The following BIRC3 variants were observed in gnomAD, a reference collection of about 807,000 sequenced individuals.
The protein encoded by BIRC3 is baculoviral IAP repeat containing 3.
Under a neutral mutation model 59.0 loss-of-function variants are expected in BIRC3, and 26 were observed. The ratio of observed to expected loss-of-function variants is 0.44; its 90% CI spans 0.32 to 0.61. BIRC3 has a LOEUF of 0.61. BIRC3 is among the 20% of genes least tolerant of loss of function. The pLI, the probability that BIRC3 is intolerant of heterozygous loss-of-function variation, is 0.04. For missense variants in BIRC3, 641 were observed against 711.5 expected (o/e 0.90, Z 1.13); for synonymous variants, 243 against 249.2 (o/e 0.98, Z 0.24).
rs1555043010 is a variant in BIRC3 at position 102,328,885 on chromosome 11, T to TTC, written c.1033-11_1033-10insCT. Reference sequence around the variant, plus strand: ...ATATATATATATATATATATATTTTTTTTTTCTGCAGCTGCTATCCACATC... The same window carrying TTC: ...ATATATATATATATATATATATTTTTTCTTTTTCTGCAGCTGCTATCCACATC... On this transcript the variant is annotated splice_polypyrimidine_tract_variant and intron_variant, in intron 4 of 8. Coordinates refer to ENST00000263464, the MANE Select transcript of BIRC3 (RefSeq NM_001165.5). 1 of 1,144,494 alleles carries TTC rather than the reference T, an allele frequency of 8.7e-7. No individual in the cohort carries two copies. The highest frequency in any genetic ancestry group is 3.2e-5 in the Admixed American group (1 of 31,358). The allele number at this position is 1,144,494 out of a possible 1,614,324, so 70.9% of individuals were successfully genotyped here. A position where few individuals can be genotyped will look rare whatever the true frequency, so the allele number is the denominator to read the frequency against.
chr11:102,323,046 C>T lies in BIRC3; in HGVS notation c.-1464C>T, dbSNP rs1421109076. Reference sequence around the variant, plus strand: ...ATCCATCTTAGCCTACAGATGGCATCTGGTAACTTTTGACTGTTTTAAAAA... The same window carrying T: ...ATCCATCTTAGCCTACAGATGGCATTTGGTAACTTTTGACTGTTTTAAAAA... On this transcript the variant is annotated 5_prime_UTR_variant, in exon 2 of 9. Transcript: ENST00000263464. The T allele has an allele frequency of 5.0e-6, 1 of 199,298 alleles. No homozygotes were observed. The highest frequency in any genetic ancestry group is 1.0e-5 in the Non-Finnish European group (1 of 96,496). The allele number at this position is 199,298 out of a possible 1,614,324, so 12.3% of individuals were successfully genotyped here.
chr11:102,328,917 C>T lies in BIRC3; in HGVS notation c.1053C>T (p.Ser351=). 7.0e-7 allele frequency: 1 copy of T among 1,435,272 alleles called. No homozygotes were observed. Among genetic ancestry groups the T allele is most frequent in the Non-Finnish European group, 9.2e-7 (1 of 1,092,804 alleles). 88.9% of individuals were successfully genotyped at this position (1,435,272 alleles called of 1,614,324 possible). A position where few individuals can be genotyped will look rare whatever the true frequency, so the allele number is the denominator to read the frequency against. ...TGCAGCTGCTATCCACATCAGACAG[C>T]CCAGGAGATGAAAATGCAGAGTCAT... ...LLEQLLSTSD[S]PGDENAESSI... The change falls in exon 5 of 9, where the codon AGC becomes AGT. Residue 351 remains serine, a synonymous_variant. Transcript: ENST00000263464.
Position 102,335,984 on chromosome 11 carries a change from G to T in BIRC3, c.1343G>T (p.Arg448Leu). Residue 448 changes from arginine to leucine, a missense_variant, in exon 7 of 9, where the codon CGG (arginine) becomes CTG (leucine). Transcript: ENST00000263464. ...EKESNDLLLI[R>L]KNRMALFQHL... The stretch of plus-strand genomic sequence containing the variant: ...TATAAAGATGATTTATTATTAATCC[G>T]GAAGAATAGAATGGCACTTTTTCAA... 6.2e-7 allele frequency: 1 copy of T among 1,606,870 alleles called. No individual in the cohort carries two copies. Among genetic ancestry groups the T allele is most frequent in the Non-Finnish European group, 8.5e-7 (1 of 1,177,450 alleles).
chr11:102,324,584 C>T lies in BIRC3; in HGVS notation c.75C>T (p.Asp25=), dbSNP rs1394810649. ...CCAACACGTTTGAACTGAAATACGA[C>T]TTGTCATGTGAACTGTACCGAATGT... is the stretch of plus-strand genomic sequence containing the variant. ...KSANTFELKY[D]LSCELYRMST... Residue 25 remains aspartate (D), a synonymous_variant, in exon 2 of 9, where the codon GAC becomes GAT. Coordinates refer to ENST00000263464, the MANE Select transcript of BIRC3 (RefSeq NM_001165.5). The T allele has an allele frequency of 3.1e-6, 5 of 1,614,146 alleles. No individual in the cohort carries two copies. Among genetic ancestry groups the T allele is most frequent in the Admixed American group, 1.7e-5 (1 of 60,010 alleles).
At chr11:102,319,401 G>T (rs575539536) in intron 1 of BIRC3, among the ~76,000 whole-genome samples, 1 of 152,220 alleles carries the variant, frequency 6.6e-6, no homozygotes, top group African/African-American at 2.4e-5. Context: ...TTTAAGCATG[G>T]TTATGTGAAA....
In BIRC3 at chr11:102,319,208, T is replaced by C. The variant is rs531589236; in HGVS notation, c.-2674+1637T>C. The stretch of plus-strand genomic sequence containing the variant: ...ACAGGTGCATGCCACCACACCCGGC[T>C]AATTTTTTGTATTTTTTTTAGTAGA... On this transcript the variant is annotated intron_variant, in intron 1 of 8. Coordinates refer to ENST00000263464, the MANE Select transcript of BIRC3 (RefSeq NM_001165.5). 8.6e-5 allele frequency among the ~76,000 whole-genome samples: 12 copies of C among 139,352 alleles called. No individual in the cohort carries two copies. In the South Asian group the frequency reaches 2.9e-3, roughly 34 times the overall value. The allele number at this position is 139,352 out of a possible 152,430, so 91.4% of individuals were successfully genotyped here.
intron 1 of BIRC3, among the ~76,000 whole-genome samples, chr11:102,319,153 C>T (rs1951005087): frequency 6.6e-6 from 1 of 150,944 alleles, no homozygotes; most frequent in South Asian, 2.1e-4. Flanking sequence ...AAGCGATTCT[C>T]CTGCCTCAGC....
intron 6 of BIRC3, among the ~76,000 whole-genome samples, chr11:102,331,831 G>A (rs1951145244): frequency 6.6e-6 from 1 of 152,030 alleles, no homozygotes; most frequent in African/African-American, 2.4e-5. Flanking sequence ...AGTAGAGAAG[G>A]GATTTCTCCA....
chr11:102,325,479 T>C lies in BIRC3; in HGVS notation c.867T>C (p.Asp289=). The part of the protein sequence containing the change: ...AGFYYVGNSD[D]VKCFCCDGGL... ...AATTAATTTTAGGTAACAGTGATGA[T>C]GTCAAATGCTTTTGCTGTGATGGTG... is the stretch of plus-strand genomic sequence containing the variant. Residue 289 remains aspartate, a synonymous_variant, in exon 3 of 9, where the codon GAT becomes GAC. Transcript: ENST00000263464. 1 of 1,612,404 alleles carries C rather than the reference T, an allele frequency of 6.2e-7. No homozygotes were observed. Among genetic ancestry groups the C allele is most frequent in the South Asian group, 1.1e-5 (1 of 90,592 alleles).
chr11:102,326,185 T>C (rs991121353), intron 3 of BIRC3, among the ~76,000 whole-genome samples: 1 of 152,194 alleles, frequency 6.6e-6, no homozygotes, highest in Non-Finnish European at 1.5e-5. Context: ...GTTTTTATTA[T>C]AGCACGAGAG....
At position 102,325,576 on chromosome 11, in the gene BIRC3, T is replaced by G; in HGVS notation, c.953+11T>G. 6.2e-7 allele frequency: 1 copy of G among 1,607,930 alleles called. No individual in the cohort carries two copies. Among genetic ancestry groups the G allele is most frequent in the South Asian group, 1.1e-5 (1 of 89,896 alleles). ...CAAGTGGTTTCCAAGGTAATTGTTT[T>G]GAAATTCTCTTTGCAAATTCTTGTG... On this transcript the variant is annotated intron_variant, in intron 3 of 8. Coordinates refer to ENST00000263464, the MANE Select transcript of BIRC3 (RefSeq NM_001165.5).
intron 1 of BIRC3, among the ~76,000 whole-genome samples, chr11:102,319,065 A>C (rs1951003696): frequency 8.6e-6 from 1 of 116,354 alleles, no homozygotes; most frequent in African/African-American, 2.9e-5. Flanking sequence ...TTTTTTTGAG[A>C]CAGAGTCTCA....
intron 6 of BIRC3, among the ~76,000 whole-genome samples, chr11:102,332,741 T>C (rs1214389398): frequency 6.6e-6 from 1 of 152,226 alleles, no homozygotes; most frequent in African/African-American, 2.4e-5. Flanking sequence ...CATAGTGATA[T>C]AGCATCATAC....
At position 102,331,027 on chromosome 11, in the gene BIRC3, T is replaced by C; in HGVS notation, c.1110T>C (p.His370=). ...TCCATTTTGAACCTGGAGAAGACCA[T>C]TCAGAAGATGCAATCATGATGAATA... is the stretch of plus-strand genomic sequence containing the variant. ...SIIHFEPGED[H]SEDAIMMNTP... is the part of the protein sequence containing the mutation. The change falls in exon 6 of 9, where the codon CAT becomes CAC. Residue 370 remains histidine, a synonymous_variant. Coordinates refer to ENST00000263464, the MANE Select transcript of BIRC3 (RefSeq NM_001165.5). The C allele has an allele frequency of 6.2e-7, 1 of 1,613,676 alleles. No homozygotes were observed. The highest frequency in any genetic ancestry group is 1.3e-5 in the African/African-American group (1 of 75,038).
At chr11:102,332,713 C>T in intron 6 of BIRC3, among the ~76,000 whole-genome samples, 1 of 152,214 alleles carries the variant, frequency 6.6e-6, no homozygotes, top group East Asian at 1.9e-4. Context: ...TGACCCAACC[C>T]AGACAAACCT....
At chr11:102,332,546 C>A (rs1452618012) in intron 6 of BIRC3, among the ~76,000 whole-genome samples, 1 of 152,158 alleles carries the variant, frequency 6.6e-6, no homozygotes, top group East Asian at 1.9e-4. Context: ...TTCAGGCCCC[C>A]CCAATATTCA....
Position 102,336,085 on chromosome 11 carries a change from A to G in BIRC3, c.1444A>G (p.Ile482Val). ...GIINEQEHDV[I>V]KQKTQTSLQA... ...TATTAATGAACAAGAACATGATGTT[A>G]TTAAACAGAAGACACAGACGTCTTT... The change falls in exon 7 of 9, where the codon ATT becomes GTT. Residue 482 changes from isoleucine (I) to valine (V), a missense_variant. Physicochemically the swap from Ile to Val is conservative, Grantham distance 29. Coordinates refer to ENST00000263464, the MANE Select transcript of BIRC3 (RefSeq NM_001165.5). The G allele has an allele frequency of 1.2e-6, 2 of 1,613,996 alleles. No individual in the cohort carries two copies. The highest frequency in any genetic ancestry group is 1.7e-6 in the Non-Finnish European group (2 of 1,179,938).
intron 6 of BIRC3, among the ~76,000 whole-genome samples, chr11:102,335,458 T>A (rs1951186037): frequency 6.6e-6 from 1 of 152,130 alleles, no homozygotes; most frequent in South Asian, 2.1e-4. Flanking sequence ...CTCAGTTTGA[T>A]TTTTGCTAGT....
Position 102,328,050 on chromosome 11 carries a change from A to G in BIRC3, c.954-2A>G, listed in dbSNP as rs370181398. 12 of 1,597,340 alleles carry G rather than the reference A, an allele frequency of 7.5e-6. No homozygotes were observed. Among genetic ancestry groups the G allele is most frequent in the Admixed American group, 5.3e-5 (3 of 56,426 alleles). Reference sequence around the variant, plus strand: ...TCAAATTTTATTTTCTTTACATTTTAGGTGTGAGTACTTGATAAGAATTAA... The same window carrying G: ...TCAAATTTTATTTTCTTTACATTTTGGGTGTGAGTACTTGATAAGAATTAA... On this transcript the variant is annotated splice_acceptor_variant, in intron 3 of 8. Coordinates refer to ENST00000263464, the MANE Select transcript of BIRC3 (RefSeq NM_001165.5). LOFTEE classifies it high-confidence loss of function.
Sources: gnomAD v4.1 joint callset for allele counts (sites outside exome capture counted in the v4.1 genomes callset) on GRCh38, gnomAD v4.1.1 for gene constraint, MANE v1.5 for transcripts, NCBI Gene and HGNC (gene_info 2026-07-23, HGNC 2026-07-21) for gene names.